Variants in KANK1 observed in about 807,000 individuals in gnomAD.
KANK1 encodes the protein KN motif and ankyrin repeat domains 1.
A neutral mutation model predicts 106.2 loss-of-function variants in KANK1; 109 were observed. The ratio of observed to expected loss-of-function variants is 1.03; its 90% CI spans 0.88 to 1.20. The LOEUF (loss-of-function observed/expected upper bound fraction) is 1.20. KANK1 is among the 50% of genes most tolerant of loss of function. KANK1 has a pLI of 0.00. For synonymous variants in KANK1, 873 were observed against 652.2 expected (o/e 1.34, Z -5.16); for missense variants, 2,399 against 1,710.7 (o/e 1.40, Z -7.10).
intron 1 of KANK1, among the ~76,000 whole-genome samples, chr9:529,184 G>A (rs376433309): frequency 7.6e-4 from 115 of 151,300 alleles, no homozygotes; most frequent in African/African-American, 2.7e-3. Context: ...CTCTTTACAG[G>A]CAACTGGTAT....
At chr9:694,478 A>G (rs954753062) in intron 2 of KANK1, among the ~76,000 whole-genome samples, 2 of 152,214 alleles carry the variant, frequency 1.3e-5, no homozygotes, top group African/African-American at 4.8e-5. Context: ...GACAGTGGAC[A>G]TTAGAGAGCA....
At chr9:740,395 C>G (rs984353401) in intron 8 of KANK1, among the ~76,000 whole-genome samples, 3 of 152,150 alleles carry the variant, frequency 2.0e-5, no homozygotes, top group Admixed American at 2.0e-4. Context: ...TAAGCGTTTG[C>G]AAACACTTCG....
intron 1 of KANK1, among the ~76,000 whole-genome samples, chr9:515,121 ATCATGAGG>A (rs2059220554): frequency 1.3e-5 from 2 of 151,642 alleles, no homozygotes; most frequent in African/African-American, 4.9e-5. Context: ...AGGCGGGTGG[ATCATGAGG>A]TCAGGAGATC....
chr9:633,045 C>A (rs1373952967), intron 1 of KANK1, among the ~76,000 whole-genome samples: 1 of 152,102 alleles, frequency 6.6e-6, no homozygotes, highest in East Asian at 1.9e-4. Flanking sequence ...ATGGCCCCCT[C>A]CCTCCACATC....
rs139883316 is a variant in KANK1 at position 731,349 on chromosome 9, C to T, written c.3005+83C>T. 0.023 allele frequency: 17,188 copies of T among 760,928 alleles called. 291 individuals carry two copies. The highest frequency in any genetic ancestry group is 0.046 in the Middle Eastern group (192 of 4,170). 47.1% of individuals were successfully genotyped at this position (760,928 alleles called of 1,614,324 possible). On this transcript the variant is annotated intron_variant, in intron 5 of 11. Coordinates refer to ENST00000382297, the MANE Select transcript of KANK1 (RefSeq NM_015158.5). The stretch of plus-strand genomic sequence containing the variant: ...TAAGTCACATTTCAAGGCGCCTAGT[C>T]GGGGAAGCGGCCACAGCGCAGTGAT...
chr9:530,892 G>T (rs2060026226), intron 1 of KANK1, among the ~76,000 whole-genome samples: 1 of 152,170 alleles, frequency 6.6e-6, no homozygotes, highest in African/African-American at 2.4e-5. Context: ...GCAGGCTGAG[G>T]CTGCAGTGAG....
At chr9:616,500 C>G (rs993511803) in intron 1 of KANK1, among the ~76,000 whole-genome samples, 1 of 152,196 alleles carries the variant, frequency 6.6e-6, no homozygotes, top group Non-Finnish European at 1.5e-5. Context: ...ACATATAAAT[C>G]AAAGAAATAT....
At chr9:583,595 C>G (rs1467428539) in intron 1 of KANK1, among the ~76,000 whole-genome samples, 1 of 151,702 alleles carries the variant, frequency 6.6e-6, no homozygotes, top group Non-Finnish European at 1.5e-5. Flanking sequence ...CTCTAATATG[C>G]TTCAGTTGAT....
intron 1 of KANK1, among the ~76,000 whole-genome samples, chr9:666,588 A>G (rs1023442424): frequency 6.6e-6 from 1 of 152,072 alleles, no homozygotes; most frequent in Non-Finnish European, 1.5e-5. Flanking sequence ...TTTATCATAT[A>G]TGGCCTTTAT....
intron 1 of KANK1, among the ~76,000 whole-genome samples, chr9:633,482 C>A (rs1836313698): frequency 6.6e-6 from 1 of 151,938 alleles, no homozygotes; most frequent in Admixed American, 6.6e-5. Flanking sequence ...ACAAAAAAAA[C>A]ACCTTTTTTT....
In KANK1 at chr9:686,156, G is replaced by GA. The variant is rs1468065642; in HGVS notation, c.37+9153dup. 5.3e-5 allele frequency among the ~76,000 whole-genome samples: 8 copies of GA among 152,254 alleles called. 1 individual carries two copies. In the South Asian group the frequency reaches 1.7e-3, roughly 32 times the overall value. Reference sequence around the variant, plus strand: ...TCTTACTTTTTTCTAACTAAAACCAGAAAAAAGTTCTCTCTTCCTCTGTTC... The same window carrying GA: ...TCTTACTTTTTTCTAACTAAAACCAGAAAAAAAGTTCTCTCTTCCTCTGTTC... On this transcript the variant is annotated intron_variant, in intron 2 of 11. Transcript: ENST00000382297.
At chr9:521,554 C>T (rs1360506476) in intron 1 of KANK1, among the ~76,000 whole-genome samples, 1 of 148,234 alleles carries the variant, frequency 6.7e-6, no homozygotes, top group Non-Finnish European at 1.5e-5. Flanking sequence ...ACTTTCTTTT[C>T]CCTCCAGATT....
intron 1 of KANK1, among the ~76,000 whole-genome samples, chr9:547,160 A>G (rs953942385): frequency 1.4e-4 from 21 of 152,342 alleles, no homozygotes; most frequent in African/African-American, 4.6e-4. Context: ...TCCCTTAGAC[A>G]TGCTGGCTGC....
At chr9:646,907 A>G (rs920761326) in intron 1 of KANK1, among the ~76,000 whole-genome samples, 2 of 150,656 alleles carry the variant, frequency 1.3e-5, no homozygotes, top group Non-Finnish European at 2.9e-5. Context: ...CATGTTGGCC[A>G]GGCTGCTCTC....
intron 1 of KANK1, among the ~76,000 whole-genome samples, chr9:627,679 G>A (rs1834685674): frequency 6.6e-6 from 1 of 152,174 alleles, no homozygotes; most frequent in African/African-American, 2.4e-5. Context: ...CTCGTATCTT[G>A]GTTTTGCAGG....
At chr9:537,038 G>A (rs1279726341) in intron 1 of KANK1, among the ~76,000 whole-genome samples, 2 of 152,158 alleles carry the variant, frequency 1.3e-5, no homozygotes, top group Admixed American at 1.3e-4. Flanking sequence ...AAGGAAGCGA[G>A]AGAGAAGCGA....
rs138334492 is a variant in KANK1, at chr9:576,032, A to G, written c.-84+71278A>G. On this transcript the variant is annotated intron_variant, in intron 1 of 11. Coordinates refer to ENST00000382297, the MANE Select transcript of KANK1 (RefSeq NM_015158.5). ...AGTGCAACTGCATCTCAAAACAAAA[A>G]ACAATAAGTTTAATGAATGATTCCC... 3.3e-5 allele frequency among the ~76,000 whole-genome samples: 5 copies of G among 152,324 alleles called. No homozygotes were observed. In the East Asian group the frequency reaches 7.7e-4, roughly 23 times the overall value.
At chr9:562,440 C>T (rs979577635) in intron 1 of KANK1, among the ~76,000 whole-genome samples, 1 of 152,186 alleles carries the variant, frequency 6.6e-6, no homozygotes, top group Admixed American at 6.5e-5. Flanking sequence ...TGCTCTAGAT[C>T]ATGTTCCCAG....
At chr9:661,024 C>G (rs1352364223) in intron 1 of KANK1, among the ~76,000 whole-genome samples, 1 of 152,194 alleles carries the variant, frequency 6.6e-6, no homozygotes, top group South Asian at 2.1e-4. Flanking sequence ...GTAGAGCTTG[C>G]AACTTAATGG....
Sources: allele counts gnomAD v4.1 joint callset (sites outside exome capture counted in the v4.1 genomes callset), GRCh38; gene constraint gnomAD v4.1.1; transcripts MANE v1.5; gene names NCBI Gene and HGNC (gene_info 2026-07-23, HGNC 2026-07-21).